The following TGM5 variants were observed in gnomAD, a reference collection of about 807,000 sequenced individuals.
The protein encoded by TGM5 is protein-glutamine gamma-glutamyltransferase 5.
In TGM5, 69 loss-of-function variants were observed where a neutral mutation model predicts 77.2. The ratio of observed to expected loss-of-function variants is 0.89; its 90% CI spans 0.74 to 1.09. The LOEUF (loss-of-function observed/expected upper bound fraction) is 1.09, where lower values mean the gene tolerates loss of function less well. TGM5 is among the 50% of genes least tolerant of loss of function. The pLI, the probability that TGM5 is intolerant of heterozygous loss-of-function variation, is 0.00. For missense variants in TGM5, 842 were observed against 896.5 expected, an observed-to-expected ratio of 0.94 and a Z score of 0.78; for synonymous variants, 346 against 351.8, an observed-to-expected ratio of 0.98 and a Z score of 0.18.
Position 43,233,208 on chromosome 15 carries a change from C to T in TGM5, c.2146G>A (p.Val716Ile). 6.2e-7 allele frequency: 1 copy of T among 1,614,194 alleles called. No individual in the cohort carries two copies. The highest frequency in any genetic ancestry group is 8.5e-7 in the Non-Finnish European group (1 of 1,180,038). Residue 716 changes from valine (V) to isoleucine (I), a missense_variant, in exon 13 of 13, where the codon GTA becomes ATA. By Grantham distance (29) the Val-to-Ile change is conservative. Coordinates refer to ENST00000220420, the MANE Select transcript of TGM5 (RefSeq NM_201631.4). ...KDIKGYRNVY[V>I]DFAL ...TCCAGAATTTATAATGCAAAGTCTA[C>T]ATAAACATTCCTGTAACCCTTAATG...
intron 3 of TGM5, among the ~76,000 whole-genome samples, chr15:43,258,085 G>T (rs1283585188): frequency 6.6e-6 from 1 of 152,086 alleles, no homozygotes; most frequent in Non-Finnish European, 1.5e-5. Context: ...TCGTGGGGTG[G>T]GGGGAAGAGG....
chr15:43,233,564 G>C lies in TGM5; in HGVS notation c.1999C>G (p.Gln667Glu). The change falls in exon 12 of 13, where the codon CAG (glutamine) becomes GAG (glutamate). Residue 667 changes from glutamine (Q) to glutamate (E), a missense_variant. Physicochemically the swap from Gln to Glu is conservative, Grantham distance 29. Around this residue, in one of 2 missense-constraint regions of TGM5, gnomAD observed 815 missense variants for 844.6 expected, o/e 0.96. Coordinates refer to ENST00000220420, the MANE Select transcript of TGM5 (RefSeq NM_201631.4). ...VEGSGLFKKQ[Q>E]KVFLGVLKPQ... ...ACTTGCAGCACTTACAAGACTTTCT[G>C]CTGTTTCTTGAAGAGGCCACTTCCT... The C allele has an allele frequency of 6.2e-7, 1 of 1,614,186 alleles. No homozygotes were observed. Among genetic ancestry groups the C allele is most frequent in the Non-Finnish European group, 8.5e-7 (1 of 1,180,040 alleles).
chr15:43,242,197 T>C (rs867606135), intron 6 of TGM5, among the ~76,000 whole-genome samples: 1 of 152,230 alleles, frequency 6.6e-6, no homozygotes, highest in African/African-American at 2.4e-5. Context: ...ACACAGCTAG[T>C]AAGAGGCAGA....
At position 43,239,203 on chromosome 15, in the gene TGM5, G is replaced by A; in HGVS notation, c.1065C>T (p.Gly355=). 1 of 1,614,148 alleles carries A rather than the reference G, an allele frequency of 6.2e-7. No individual in the cohort carries two copies. The highest frequency in any genetic ancestry group is 8.5e-7 in the Non-Finnish European group (1 of 1,180,016). ...GAGGTGTGGCGTCCAGCACCTGCCA[G>A]CCTCCATATGCAGGGGGCAGATCCT... The part of the protein sequence containing the change: ...ARKDLPPAYG[G]WQVLDATPQE... The change falls in exon 8 of 13, where the codon GGC becomes GGT. Residue 355 remains glycine (G), a synonymous_variant. Transcript: ENST00000220420.
chr15:43,245,897 G>GTT (rs1486471522), intron 6 of TGM5, among the ~76,000 whole-genome samples: 2 of 134,124 alleles, frequency 1.5e-5, no homozygotes, highest in Admixed American at 7.5e-5. Context: ...GTGTGTGTGT[G>GTT]TTGGGGGGGG....
intron 6 of TGM5, chr15:43,241,321 C>T (rs1340502932): frequency 2.5e-6 from 1 of 397,282 alleles, no homozygotes; most frequent in Non-Finnish European, 4.8e-6. Flanking sequence ...CCTGACTCAA[C>T]TGCATTTCTC....
chr15:43,265,609 C>T (rs1406859159), intron 1 of TGM5, among the ~76,000 whole-genome samples: 1 of 152,130 alleles, frequency 6.6e-6, no homozygotes, highest in Non-Finnish European at 1.5e-5. Context: ...TATTTGTTTT[C>T]CTTGAGGTGA....
rs1387163994 is a variant in TGM5 at position 43,245,628 on chromosome 15, AG to A, written c.863-4639del. Among the ~76,000 whole-genome samples the A allele has an allele frequency of 3.3e-5, 5 of 152,222 alleles. No homozygotes were observed. In the East Asian group the frequency reaches 7.7e-4, roughly 24 times the overall value. Reference sequence around the variant, plus strand: ...GCCCTACCAAAATTATTTTTTGATAAGGGGGTGGGGGCAATTAAGAACTGAA... The same window carrying A: ...GCCCTACCAAAATTATTTTTTGATAAGGGGTGGGGGCAATTAAGAACTGAA... On this transcript the variant is annotated intron_variant, in intron 6 of 12. Transcript: ENST00000220420.
chr15:43,255,019 A>G (rs190995487), intron 4 of TGM5, among the ~76,000 whole-genome samples: 22 of 152,160 alleles, frequency 1.4e-4, no homozygotes, highest in South Asian at 4.2e-4. Flanking sequence ...CAGGCGATCA[A>G]TATATATTTA....
At chr15:43,257,580 G>A (rs181494119) in intron 3 of TGM5, among the ~76,000 whole-genome samples, 1 of 152,086 alleles carries the variant, frequency 6.6e-6, no homozygotes. Flanking sequence ...CTACATGTTG[G>A]GGGTGTGGAG....
Position 43,234,949 on chromosome 15 carries a change from A to G in TGM5, c.1715-20T>C. On this transcript the variant is annotated intron_variant, in intron 10 of 12. Transcript: ENST00000220420. ...TCTTTGCTAAAGAAAGAACACAAGG[A>G]TGGGGTGAGAGTAGCTGAGAAAATC... 1 of 1,613,254 alleles carries G rather than the reference A, an allele frequency of 6.2e-7. No individual in the cohort carries two copies. Among genetic ancestry groups the G allele is most frequent in the Non-Finnish European group, 8.5e-7 (1 of 1,179,834 alleles).
At chr15:43,266,395 G>C (rs1362072064) in intron 1 of TGM5, among the ~76,000 whole-genome samples, 1 of 152,156 alleles carries the variant, frequency 6.6e-6, no homozygotes. Flanking sequence ...CTGAAATGGA[G>C]GAAGAAGAGA....
chr15:43,252,621 A>T (rs2042712346), intron 6 of TGM5, 138 bp downstream of exon 6: 1 of 1,169,080 alleles, frequency 8.6e-7, no homozygotes, highest in East Asian at 2.5e-5. Flanking sequence ...CGGCCGAGAC[A>T]TTTCAGAGAG....
At chr15:43,243,107 G>T (rs2042648750) in intron 6 of TGM5, among the ~76,000 whole-genome samples, 1 of 152,164 alleles carries the variant, frequency 6.6e-6, no homozygotes, top group African/African-American at 2.4e-5. Flanking sequence ...ACAGGTAACT[G>T]GTCCTGAAGC....
intron 6 of TGM5, among the ~76,000 whole-genome samples, chr15:43,246,436 C>T (rs959755705): frequency 6.6e-6 from 1 of 152,200 alleles, no homozygotes; most frequent in African/African-American, 2.4e-5. Context: ...GTATTGACAG[C>T]AGGCACCCTT....
In TGM5 at chr15:43,260,578, C is replaced by T. The variant is rs778929521; in HGVS notation, c.12G>A (p.Gly4=). The part of the protein sequence containing the change: MAQ[G]LEVALTDLQS... ...GGAGGTCTGTGAGGGCCACTTCTAGCCCTGCAATGGGGCAGCCAGGGTTAG... is the reference window on the plus strand; with the variant it reads ...GGAGGTCTGTGAGGGCCACTTCTAGTCCTGCAATGGGGCAGCCAGGGTTAG... The change falls in exon 2 of 13, where the codon GGG becomes GGA. Residue 4 remains glycine (G), a splice_region_variant and synonymous_variant. Transcript: ENST00000220420. 5 of 1,614,124 alleles carry T rather than the reference C, an allele frequency of 3.1e-6. No homozygotes were observed. In the East Asian group the frequency reaches 8.9e-5, roughly 29 times the overall value.
At chr15:43,256,487 T>A in intron 4 of TGM5, 81 bp downstream of exon 4, 1 of 1,078,820 alleles carries the variant, frequency 9.3e-7, no homozygotes, top group Middle Eastern at 2.2e-4. Flanking sequence ...TCAGCAGTTC[T>A]AGGTGAAGCT....
chr15:43,266,830 CTTTCCCTA>C lies in TGM5; in HGVS notation c.10+2_10+9del. 1 of 1,614,170 alleles carries C rather than the reference CTTTCCCTA, an allele frequency of 6.2e-7. No homozygotes were observed. Among genetic ancestry groups the C allele is most frequent in the Non-Finnish European group, 8.5e-7 (1 of 1,180,016 alleles). ...CCCTGAACTCCAGTGGCCACAGGGG[CTTTCCCTA>C]CCTTGGGCCATGGTAGCTGCCTCCG... On this transcript the variant is annotated splice_donor_variant and splice_donor_5th_base_variant and intron_variant, in intron 1 of 12. Coordinates refer to ENST00000220420, the MANE Select transcript of TGM5 (RefSeq NM_201631.4). LOFTEE classifies it high-confidence loss of function.
intron 1 of TGM5, among the ~76,000 whole-genome samples, chr15:43,260,839 C>T (rs1467741119): frequency 2.0e-5 from 3 of 152,066 alleles, no homozygotes; most frequent in Non-Finnish European, 4.4e-5. Flanking sequence ...CTTACACCCT[C>T]CTGGAGGGGC....
Sources: allele counts gnomAD v4.1 joint callset (sites outside exome capture counted in the v4.1 genomes callset), GRCh38; gene constraint gnomAD v4.1.1; regional missense constraint gnomAD v4.1.1; transcripts MANE v1.5; gene names NCBI Gene and HGNC (gene_info 2026-07-23, HGNC 2026-07-21).